Variants in RPS6 observed in about 807,000 individuals in gnomAD.
RPS6 encodes small ribosomal subunit protein eS6.
In RPS6, 1 loss-of-function variant was observed where a neutral mutation model predicts 27.1. The ratio of observed to expected loss-of-function variants is 0.04; its 90% CI spans 0.01 to 0.18. RPS6 has a LOEUF of 0.18. Among genes scored for constraint, RPS6 ranks in the 10% least tolerant of loss-of-function variants. The pLI is 1.00. For synonymous variants in RPS6, 152 were observed against 106.0 expected, an observed-to-expected ratio of 1.43 and a Z score of -2.66; for missense variants, 259 against 319.1, an observed-to-expected ratio of 0.81 and a Z score of 1.44.
At position 19,376,348 on chromosome 9, in the gene RPS6, C is replaced by T. The variant is rs748611445; in HGVS notation, c.695G>A (p.Arg232His). Residue 232 changes from arginine to histidine, a missense_variant, in exon 6 of 6, where the codon CGC (arginine) becomes CAC (histidine). Transcript: ENST00000380394. ...AGAAGCTCGCAGAGAGGAAAGTCTG[C>T]GTCTCTTCGCAATTTGTTCCTGGCG... The part of the protein sequence containing the change: ...EKRQEQIAKR[R>H]RLSSLRASTS... The T allele has an allele frequency of 3.7e-6, 6 of 1,613,954 alleles. No individual in the cohort carries two copies. The highest frequency in any genetic ancestry group is 5.1e-6 in the Non-Finnish European group (6 of 1,180,004).
In RPS6 at chr9:19,376,509, C is replaced by G. The variant is rs760245393; in HGVS notation, c.639G>C (p.Leu213Phe). The change falls in exon 5 of 6, where the codon TTG becomes TTC. Residue 213 changes from leucine to phenylalanine, a missense_variant. Leu to Phe is a conservative substitution (Grantham distance 22). Transcript: ENST00000380394. ...TTAGACTAACCTTCATTCTCTTGGC[C>G]AAAAGTTTAGCATATTCTGCAGCCT... The part of the protein sequence containing the change: ...KEEAAEYAKL[L>F]AKRMKEAKEK... The G allele has an allele frequency of 1.5e-5, 25 of 1,613,972 alleles. No individual in the cohort carries two copies. Among genetic ancestry groups the G allele is most frequent in the Middle Eastern group, 1.7e-4 (1 of 6,058 alleles).
intron 1 of RPS6, chr9:19,379,889 A>G: frequency 1.4e-6 from 2 of 1,423,232 alleles, no homozygotes; most frequent in Non-Finnish European, 1.8e-6. Flanking sequence ...CCGAAGCAAG[A>G]AAGCCGGGGT....
Position 19,375,758 on chromosome 9 carries a change from T to TG in RPS6, c.*534dup, listed in dbSNP as rs1829561237. 1.3e-5 allele frequency: 2 copies of TG among 152,398 alleles called. No homozygotes were observed. The highest frequency in any genetic ancestry group is 4.8e-5 in the African/African-American group (2 of 41,462). 9.4% of individuals were successfully genotyped at this position (152,398 alleles called of 1,614,324 possible). A position where few individuals can be genotyped will look rare whatever the true frequency, so the allele number is the denominator to read the frequency against. On this transcript the variant is annotated 3_prime_UTR_variant, in exon 6 of 6. Coordinates refer to ENST00000380394, the MANE Select transcript of RPS6 (RefSeq NM_001010.3). ...ATGTTTTTAGTCATTTCCTTTTCAG[T>TG]GTGTGAACAGCCTAACAATTCACTG...
At chr9:19,378,290 T>G in intron 4 of RPS6, 78 bp downstream of exon 4, 9 of 1,441,214 alleles carry the variant, frequency 6.2e-6, no homozygotes, top group Non-Finnish European at 7.7e-6. Context: ...AAGGCACATA[T>G]TTATCTTCTG....
intron 1 of RPS6, 178 bp from the exon 2 acceptor site, chr9:19,379,796 G>A: frequency 6.9e-7 from 1 of 1,443,322 alleles, no homozygotes; most frequent in South Asian, 1.5e-5. Context: ...CAGTCAAGAA[G>A]CGCCGCACTC....
rs771844493 is a variant in RPS6, at chr9:19,379,635, G to T, written c.7-17C>A. The T allele has an allele frequency of 1.4e-5, 22 of 1,606,730 alleles. No individual in the cohort carries two copies. In the East Asian group the frequency reaches 1.8e-4, roughly 13 times the overall value. Reference sequence around the variant, plus strand: ...GATGTTCAGCTAAGGATTAAAAGGGGGGAAATAGTTTACGAAACTATCTAT... The same window carrying T: ...GATGTTCAGCTAAGGATTAAAAGGGTGGAAATAGTTTACGAAACTATCTAT... On this transcript the variant is annotated splice_polypyrimidine_tract_variant and intron_variant, in intron 1 of 5. Transcript: ENST00000380394.
chr9:19,379,669 T>G, intron 1 of RPS6, 51 bp from the exon 2 acceptor site: 1 of 1,557,598 alleles, frequency 6.4e-7, no homozygotes, highest in Non-Finnish European at 8.7e-7. Context: ...ATACAGGTAA[T>G]TGTAGAGCCA....
At position 19,376,203 on chromosome 9, in the gene RPS6, T is replaced by A. The variant is rs1829582982; in HGVS notation, c.*90A>T. 8.9e-7 allele frequency: 1 copy of A among 1,129,316 alleles called. No individual in the cohort carries two copies. Among genetic ancestry groups the A allele is most frequent in the African/African-American group, 1.6e-5 (1 of 64,186 alleles). 70.0% of individuals were successfully genotyped at this position (1,129,316 alleles called of 1,614,324 possible). A position where few individuals can be genotyped will look rare whatever the true frequency, so the allele number is the denominator to read the frequency against. The stretch of plus-strand genomic sequence containing the variant: ...ATCCCCATTTTCTATGACCTAACTT[T>A]CCCTCTCTTCATTTATGTAGTTTTC... On this transcript the variant is annotated 3_prime_UTR_variant, in exon 6 of 6. Coordinates refer to ENST00000380394, the MANE Select transcript of RPS6 (RefSeq NM_001010.3).
chr9:19,378,648 G>C, intron 3 of RPS6, 60 bp downstream of exon 3: 1 of 1,580,052 alleles, frequency 6.3e-7, no homozygotes, highest in South Asian at 1.1e-5. Context: ...AAATGAATAA[G>C]CATTTGGACA....
chr9:19,377,480 CAAGT>C (rs1227211349), intron 4 of RPS6, among the ~76,000 whole-genome samples: 8 of 151,004 alleles, frequency 5.3e-5, no homozygotes, highest in South Asian at 4.2e-4. Flanking sequence ...TACCTGTGCT[CAAGT>C]AAGTGTAATT....
At chr9:19,379,957 T>A in intron 1 of RPS6, 1 of 1,438,200 alleles carries the variant, frequency 7.0e-7, no homozygotes, top group Non-Finnish European at 9.1e-7. Flanking sequence ...CCGTCCCGGC[T>A]GGGCGCGGGG....
chr9:19,377,408 T>G (rs888794271), intron 4 of RPS6, among the ~76,000 whole-genome samples: 1 of 151,510 alleles, frequency 6.6e-6, no homozygotes, highest in Non-Finnish European at 1.5e-5. Context: ...TTTTTTTTTT[T>G]GCAACATCAG....
In RPS6 at chr9:19,376,604, G is replaced by A. The variant is rs1358708801; in HGVS notation, c.544C>T (p.Pro182Ser). 1 of 1,614,038 alleles carries A rather than the reference G, an allele frequency of 6.2e-7. No homozygotes were observed. The highest frequency in any genetic ancestry group is 8.5e-7 in the Non-Finnish European group (1 of 1,180,040). The change falls in exon 5 of 6, where the codon CCA becomes TCA. Residue 182 changes from proline (P) to serine (S), a missense_variant. By Grantham distance (74) the Pro-to-Ser change is moderately conservative. Around this residue, in one of 3 missense-constraint regions of RPS6, gnomAD observed 191 missense variants for 231.6 expected, o/e 0.82. Coordinates refer to ENST00000380394, the MANE Select transcript of RPS6 (RefSeq NM_001010.3). Reference protein sequence around the residue: ...KAPKIQRLVTPRVLQHKRRRI... With the variant: ...KAPKIQRLVTSRVLQHKRRRI... ...CGCCGTTTGTGCTGCAGGACACGTG[G>A]AGTAACAAGACGCTGAATCTTGGGT...
Position 19,380,228 on chromosome 9 carries a change from G to T in RPS6, c.-33C>A. On this transcript the variant is annotated 5_prime_UTR_variant, in exon 1 of 6. Transcript: ENST00000380394. ...CAGCTGAACGCCTCCGAGGCGCCAC[G>T]GAAAAGAGGGCCAACTTCCGCTTAG... The T allele has an allele frequency of 6.2e-7, 1 of 1,611,898 alleles. No individual in the cohort carries two copies. The highest frequency in any genetic ancestry group is 1.1e-5 in the South Asian group (1 of 91,036).
chr9:19,378,195 G>T (rs751777151), intron 4 of RPS6, among the ~76,000 whole-genome samples, 173 bp downstream of exon 4: 1 of 152,158 alleles, frequency 6.6e-6, no homozygotes, highest in Non-Finnish European at 1.5e-5. Flanking sequence ...GATATAATAA[G>T]CAAGGATTAA....
intron 2 of RPS6, 183 bp from the exon 3 acceptor site, chr9:19,379,101 T>C: frequency 1.3e-6 from 1 of 769,198 alleles, no homozygotes; most frequent in Non-Finnish European, 2.0e-6. Context: ...CAAGTTCAAT[T>C]ATCAAATGTC....
intron 1 of RPS6, 147 bp from the exon 2 acceptor site, chr9:19,379,765 A>G: frequency 2.7e-6 from 4 of 1,474,262 alleles, no homozygotes; most frequent in Non-Finnish European, 3.6e-6. Context: ...TACTCACTAA[A>G]AGCACGTGAA....
intron 2 of RPS6, chr9:19,379,165 A>T (rs1368175717): frequency 1.2e-6 from 1 of 848,384 alleles, no homozygotes; most frequent in African/African-American, 1.7e-5. Flanking sequence ...CACTAAGAAG[A>T]TAAAATATCA....
Position 19,378,794 on chromosome 9 carries a change from C to G in RPS6, c.263G>C (p.Arg88Thr). The G allele has an allele frequency of 6.2e-7, 1 of 1,614,208 alleles. No homozygotes were observed. Among genetic ancestry groups the G allele is most frequent in the Non-Finnish European group, 8.5e-7 (1 of 1,180,042 alleles). ...SKGHSCYRPRRTGERKRKSVR... is the reference protein window; with the variant it reads ...SKGHSCYRPRTTGERKRKSVR... ...TGATTTTCTCTTTCTTTCTCCAGTT[C>G]TCCTTGGTCTGTAACAGGAATGCCC... The change falls in exon 3 of 6, where the codon AGA becomes ACA. Residue 88 changes from arginine (R) to threonine (T), a missense_variant. Physicochemically the swap from Arg to Thr is moderately conservative, Grantham distance 71 (BLOSUM62 -1). Around this residue, in one of 3 missense-constraint regions of RPS6, gnomAD observed 191 missense variants for 231.6 expected, o/e 0.82. Transcript: ENST00000380394.
Sources: allele counts gnomAD v4.1 joint callset (sites outside exome capture counted in the v4.1 genomes callset), GRCh38; gene constraint gnomAD v4.1.1; regional missense constraint gnomAD v4.1.1; transcripts MANE v1.5; gene names NCBI Gene and HGNC (gene_info 2026-07-23, HGNC 2026-07-21).